DLG2: variants seen among roughly 807,000 people sequenced by gnomAD.
DLG2 encodes the protein disks large homolog 2.
In DLG2, 45 loss-of-function variants were observed where a neutral mutation model predicts 132.5. The observed-to-expected ratio is 0.34, with a 90% CI of 0.27 to 0.44. The LOEUF (loss-of-function observed/expected upper bound fraction) is 0.44, where lower values mean the gene tolerates loss of function less well. DLG2 is among the 20% of genes least tolerant of loss of function. The pLI, the probability that DLG2 is intolerant of heterozygous loss-of-function variation, is 1.00. For synonymous variants in DLG2, 424 were observed against 419.6 expected (o/e 1.01, Z -0.13); for missense variants, 1,045 against 1,196.9 (o/e 0.87, Z 1.87).
At chr11:85,411,401 A>T (rs1352567174) in intron 3 of DLG2, among the ~76,000 whole-genome samples, 2 of 151,868 alleles carry the variant, frequency 1.3e-5, no homozygotes, top group Non-Finnish European at 2.9e-5. Context: ...CATAGACATT[A>T]TAAGAGAGGG....
intron 9 of DLG2, among the ~76,000 whole-genome samples, chr11:84,153,546 A>AG (rs2095356117): frequency 6.6e-6 from 1 of 152,120 alleles, no homozygotes. Flanking sequence ...TTAAAAAAAA[A>AG]TATTTTTTCT....
intron 15 of DLG2, among the ~76,000 whole-genome samples, chr11:83,911,768 T>C (rs758337641): frequency 3.2e-4 from 49 of 152,118 alleles, no homozygotes; most frequent in Non-Finnish European, 6.8e-4. Context: ...TCAGCGAAAA[T>C]AGTGAGGGAT....
At chr11:83,861,972 C>T (rs2061530726) in intron 16 of DLG2, among the ~76,000 whole-genome samples, 1 of 152,154 alleles carries the variant, frequency 6.6e-6, no homozygotes, top group African/African-American at 2.4e-5. Flanking sequence ...TGTATCAAAA[C>T]ATCTCATGTA....
At chr11:84,618,759 C>T (rs187723146) in intron 6 of DLG2, among the ~76,000 whole-genome samples, 1 of 151,914 alleles carries the variant, frequency 6.6e-6, no homozygotes, top group East Asian at 1.9e-4. Flanking sequence ...AGACCACCAT[C>T]AAGGAGATAG....
chr11:84,420,266 G>C (rs1234609271), intron 7 of DLG2, among the ~76,000 whole-genome samples: 2 of 152,218 alleles, frequency 1.3e-5, no homozygotes, highest in Non-Finnish European at 2.9e-5. Context: ...ATGCAAGACT[G>C]CAAGAGCCGC....
At chr11:83,587,666 G>T (rs981590717) in intron 19 of DLG2, among the ~76,000 whole-genome samples, 1 of 152,212 alleles carries the variant, frequency 6.6e-6, no homozygotes, top group Non-Finnish European at 1.5e-5. Context: ...AACAGCTCCG[G>T]TCTACAGCTC....
intron 21 of DLG2, among the ~76,000 whole-genome samples, chr11:83,525,836 A>G (rs1031690379): frequency 1.3e-5 from 2 of 152,204 alleles, no homozygotes; most frequent in Non-Finnish European, 2.9e-5. Context: ...AGCTGTGACA[A>G]AATCAATCCC....
At chr11:85,023,733 T>C (rs553408455) in intron 6 of DLG2, among the ~76,000 whole-genome samples, 4 of 152,232 alleles carry the variant, frequency 2.6e-5, no homozygotes, top group African/African-American at 9.6e-5. Flanking sequence ...GAGAATATTC[T>C]ATATAAGATA....
At chr11:84,414,126 C>T (rs1439966508) in intron 7 of DLG2, among the ~76,000 whole-genome samples, 1 of 152,244 alleles carries the variant, frequency 6.6e-6, no homozygotes, top group Non-Finnish European at 1.5e-5. Context: ...CATTCTAGGT[C>T]ACTTAACTGT....
At chr11:83,582,262 G>C (rs1474434066) in intron 19 of DLG2, among the ~76,000 whole-genome samples, 1 of 152,026 alleles carries the variant, frequency 6.6e-6, no homozygotes, top group Non-Finnish European at 1.5e-5. Context: ...GCTGACTTTG[G>C]AATCTTTGCC....
chr11:85,356,935 A>G (rs1234765504), intron 3 of DLG2, among the ~76,000 whole-genome samples: 1 of 152,162 alleles, frequency 6.6e-6, no homozygotes, highest in Non-Finnish European at 1.5e-5. Flanking sequence ...TAAAAGGCTT[A>G]GGAAGCAGAA....
chr11:85,617,891 G>T (rs1450433277), intron 2 of DLG2, among the ~76,000 whole-genome samples: 1 of 152,038 alleles, frequency 6.6e-6, no homozygotes, highest in Non-Finnish European at 1.5e-5. Flanking sequence ...GAAGAAATGG[G>T]TTACAAAAAT....
At chr11:85,361,243 C>T (rs1291857561) in intron 3 of DLG2, among the ~76,000 whole-genome samples, 1 of 152,134 alleles carries the variant, frequency 6.6e-6, no homozygotes, top group East Asian at 1.9e-4. Context: ...GCAAACTCCG[C>T]CTCCCTGGTT....
intron 8 of DLG2, among the ~76,000 whole-genome samples, chr11:84,237,543 T>C (rs1000061999): frequency 3.9e-5 from 6 of 152,174 alleles, no homozygotes; most frequent in African/African-American, 1.4e-4. Flanking sequence ...GGGCAAAACA[T>C]CATTTAGGGC....
At chr11:84,911,341 T>A (rs1040456919) in intron 6 of DLG2, among the ~76,000 whole-genome samples, 1 of 151,864 alleles carries the variant, frequency 6.6e-6, no homozygotes, top group African/African-American at 2.4e-5. Context: ...ACCTATCAAG[T>A]TTTTTACAAT....
intron 4 of DLG2, among the ~76,000 whole-genome samples, chr11:85,207,588 C>T (rs982346352): frequency 2.6e-5 from 4 of 152,112 alleles, no homozygotes; most frequent in African/African-American, 9.7e-5. Flanking sequence ...ATGCTTGGCA[C>T]ATAGACCCAT....
At chr11:83,922,411 G>A (rs1450939462) in intron 15 of DLG2, among the ~76,000 whole-genome samples, 3 of 152,058 alleles carry the variant, frequency 2.0e-5, no homozygotes, top group Admixed American at 6.6e-5. Context: ...GAGTGACAGC[G>A]TTTGAAAAAT....
chr11:85,570,599 G>A (rs1022545091), intron 3 of DLG2, among the ~76,000 whole-genome samples: 4 of 152,114 alleles, frequency 2.6e-5, no homozygotes, highest in Non-Finnish European at 4.4e-5. Flanking sequence ...TGAGCTTCCT[G>A]GAAGTGTAGG....
intron 3 of DLG2, among the ~76,000 whole-genome samples, chr11:85,350,321 T>G (rs2083186325): frequency 6.6e-6 from 1 of 152,226 alleles, no homozygotes; most frequent in African/African-American, 2.4e-5. Flanking sequence ...CTTTGTCAGA[T>G]GAGTAGATTG....
Sources: gnomAD v4.1 joint callset for allele counts (sites outside exome capture counted in the v4.1 genomes callset) on GRCh38, gnomAD v4.1.1 for gene constraint, MANE v1.5 for transcripts, NCBI Gene and HGNC (gene_info 2026-07-23, HGNC 2026-07-21) for gene names.